Variants in ARID1B observed in about 807,000 individuals in gnomAD.
ARID1B encodes AT-rich interaction domain 1B.
ARID1B carries 30 observed loss-of-function variants against 212.3 expected under a neutral mutation model. That is an observed-to-expected ratio of 0.14 (90% CI 0.11 to 0.19). The LOEUF is 0.19. Among genes scored for constraint, ARID1B ranks in the 10% least tolerant of loss-of-function variants. The pLI is 1.00. For missense variants in ARID1B, 2,891 were observed against 3,204.0 expected (o/e 0.90, Z 2.36); for synonymous variants, 1,402 against 1,301.7 (o/e 1.08, Z -1.66).
At position 157,120,032 on chromosome 6, in the gene ARID1B, C is replaced by T. The variant is rs183391214; in HGVS notation, c.2581+9471C>T. On this transcript the variant is annotated intron_variant, in intron 6 of 19. Transcript: ENST00000636930. ...TCTAACAGTAAAAACTGCAAAGCACCGTGAACATAGTAAATGTAAGATCAG... is the reference window on the plus strand; with the variant it reads ...TCTAACAGTAAAAACTGCAAAGCACTGTGAACATAGTAAATGTAAGATCAG... Among the ~76,000 whole-genome samples the T allele has an allele frequency of 7.7e-3, 1,168 of 152,256 alleles. 10 individuals carry two copies. Among genetic ancestry groups the T allele is most frequent in the Non-Finnish European group, 0.014 (924 of 68,020 alleles).
chr6:156,792,514 A>G (rs969124832), intron 1 of ARID1B, among the ~76,000 whole-genome samples: 3 of 152,238 alleles, frequency 2.0e-5, no homozygotes, highest in African/African-American at 2.4e-5. Context: ...AAGAACATTT[A>G]TCTTTGCCTT....
At chr6:156,837,099 A>G (rs563222887) in intron 2 of ARID1B, among the ~76,000 whole-genome samples, 1 of 152,350 alleles carries the variant, frequency 6.6e-6, no homozygotes, top group East Asian at 1.9e-4. Context: ...TTCTTCTTCA[A>G]AGATTAGCAA....
At chr6:156,890,468 T>A (rs1036863103) in intron 2 of ARID1B, among the ~76,000 whole-genome samples, 5 of 152,384 alleles carry the variant, frequency 3.3e-5, no homozygotes, top group South Asian at 2.1e-4. Context: ...TGATTTTTTT[T>A]AAATTTCTAA....
chr6:157,033,118 C>T (rs143597935), intron 4 of ARID1B, among the ~76,000 whole-genome samples: 8 of 152,140 alleles, frequency 5.3e-5, no homozygotes, highest in East Asian at 1.9e-4. Flanking sequence ...TTAATACTTG[C>T]GTAATCATAT....
chr6:157,123,494 T>C (rs1416197403), intron 6 of ARID1B, among the ~76,000 whole-genome samples: 1 of 152,176 alleles, frequency 6.6e-6, no homozygotes, highest in Non-Finnish European at 1.5e-5. Flanking sequence ...CTAGCTGGCC[T>C]TGTAGAGGAG....
intron 4 of ARID1B, among the ~76,000 whole-genome samples, chr6:157,021,820 CAT>C (rs1426969675): frequency 2.0e-5 from 3 of 152,114 alleles, no homozygotes; most frequent in African/African-American, 4.8e-5. Context: ...TTCGCGTACA[CAT>C]GAGCCGGCGC....
Position 157,014,555 on chromosome 6 carries a change from ATTTG to A in ARID1B, c.2248-70105_2248-70102del, listed in dbSNP as rs1288384117. ...TCTGTACTTTAATAGGTTAAAACTTATTTGTAATTATGTTGCTGTGGAATATAAG... is the reference window on the plus strand; with the variant it reads ...TCTGTACTTTAATAGGTTAAAACTTATAATTATGTTGCTGTGGAATATAAG... On this transcript the variant is annotated intron_variant, in intron 4 of 19. Transcript: ENST00000636930. Among the ~76,000 whole-genome samples, 4 of 152,288 alleles carry A rather than the reference ATTTG, an allele frequency of 2.6e-5. No homozygotes were observed. The East Asian group carries it at 7.7e-4, about 29-fold the overall frequency.
chr6:157,048,786 G>A (rs573244160), intron 4 of ARID1B, among the ~76,000 whole-genome samples: 2 of 152,278 alleles, frequency 1.3e-5, no homozygotes, highest in African/African-American at 4.8e-5. Flanking sequence ...AGAGAGTTTT[G>A]CCATGTGTGA....
At chr6:156,829,671 A>G (rs780322397) in intron 2 of ARID1B, 3 of 412,034 alleles carry the variant, frequency 7.3e-6, no homozygotes, top group Non-Finnish European at 1.3e-5. Flanking sequence ...TGATAGGTGC[A>G]CTGTGTCATA....
intron 4 of ARID1B, among the ~76,000 whole-genome samples, chr6:156,990,511 T>C (rs1267965530): frequency 6.6e-6 from 1 of 151,952 alleles, no homozygotes; most frequent in East Asian, 1.9e-4. Context: ...CGTGGTATCA[T>C]GCGCCTGTAA....
chr6:157,190,081 G>A lies in ARID1B; in HGVS notation c.4102G>A (p.Asp1368Asn). 6.2e-7 allele frequency: 1 copy of A among 1,614,198 alleles called. No homozygotes were observed. Among genetic ancestry groups the A allele is most frequent in the Non-Finnish European group, 8.5e-7 (1 of 1,180,040 alleles). ...SVHDPFSDVS[D>N]SSFPKRNSMT... Reference sequence around the variant, plus strand: ...GCACGACCCATTCTCAGATGTGAGTGATTCATCCTTCCCGAAACGGAACTC... The same window carrying A: ...GCACGACCCATTCTCAGATGTGAGTAATTCATCCTTCCCGAAACGGAACTC... Residue 1368 changes from aspartate to asparagine, a missense_variant, in exon 15 of 20, where the codon GAT becomes AAT. Transcript: ENST00000636930. The surrounding 1 kb of genome is among the most constrained non-coding windows in gnomAD (Gnocchi z 4.6).
In ARID1B at chr6:157,133,028, G is replaced by A. The variant is rs780321051; in HGVS notation, c.2582G>A (p.Gly861Asp). 1.3e-6 allele frequency: 2 copies of A among 1,597,864 alleles called. No individual in the cohort carries two copies. Among genetic ancestry groups the A allele is most frequent in the South Asian group, 1.1e-5 (1 of 88,004 alleles). ...ATGTTTCCATTTATTTCCCACTTAGGTTTTATGGCAGGCACACAAAGAAAC... is the reference window on the plus strand; with the variant it reads ...ATGTTTCCATTTATTTCCCACTTAGATTTTATGGCAGGCACACAAAGAAAC... ...LSQSPMPQER[G>D]FMAGTQRNPQ... Residue 861 changes from glycine to aspartate, a missense_variant and splice_region_variant, in exon 7 of 20, where the codon GGT becomes GAT. Physicochemically the swap from Gly to Asp is moderately conservative, Grantham distance 94 (BLOSUM62 -1). Coordinates refer to ENST00000636930, the MANE Select transcript of ARID1B (RefSeq NM_001374828.1).
chr6:157,128,136 T>A (rs1788269283), intron 6 of ARID1B, among the ~76,000 whole-genome samples: 1 of 152,196 alleles, frequency 6.6e-6, no homozygotes, highest in Non-Finnish European at 1.5e-5. Flanking sequence ...TTAGGATGAA[T>A]AGAAATACTT....
chr6:156,921,269 C>G (rs947380517), intron 3 of ARID1B, among the ~76,000 whole-genome samples: 3 of 151,748 alleles, frequency 2.0e-5, no homozygotes, highest in African/African-American at 7.3e-5. Flanking sequence ...CATAAAGTGA[C>G]TAAAGAAATA....
At chr6:156,801,413 C>G (rs954481793) in intron 1 of ARID1B, among the ~76,000 whole-genome samples, 1 of 151,826 alleles carries the variant, frequency 6.6e-6, no homozygotes, top group South Asian at 2.1e-4. Flanking sequence ...CTTGGCTGGG[C>G]TGGTCTTGAA....
chr6:157,170,971 C>T (rs1470571194), intron 9 of ARID1B, among the ~76,000 whole-genome samples: 1 of 152,224 alleles, frequency 6.6e-6, no homozygotes, highest in Non-Finnish European at 1.5e-5. Flanking sequence ...ATTTTGCAGT[C>T]TGGTATATTA....
Position 156,826,046 on chromosome 6 carries a change from G to A in ARID1B, c.1792-3181G>A, listed in dbSNP as rs1289748010. ...TATGTAAAATCAGTATATTGTTTGG[G>A]CAAACAAATGTACTGTCGTTTAATT... On this transcript the variant is annotated intron_variant, in intron 1 of 19. Coordinates refer to ENST00000636930, the MANE Select transcript of ARID1B (RefSeq NM_001374828.1). Among the ~76,000 whole-genome samples, 22 of 152,152 alleles carry A rather than the reference G, an allele frequency of 1.4e-4. 1 individual carries two copies. The highest frequency in any genetic ancestry group is 1.4e-3 in the Admixed American group (22 of 15,280).
intron 12 of ARID1B, among the ~76,000 whole-genome samples, chr6:157,183,139 G>C (rs1211255108): frequency 6.6e-6 from 1 of 152,130 alleles, no homozygotes; most frequent in African/African-American, 2.4e-5. Context: ...ATGTGGTTGG[G>C]AGCAGGTGCT....
intron 11 of ARID1B, among the ~76,000 whole-genome samples, chr6:157,177,353 A>G (rs539828603): frequency 1.3e-5 from 2 of 152,338 alleles, no homozygotes; most frequent in Non-Finnish European, 2.9e-5. Flanking sequence ...TATCTCTGCT[A>G]TCAAATCACT....
Sources: gnomAD v4.1 joint callset for allele counts (sites outside exome capture counted in the v4.1 genomes callset) on GRCh38, gnomAD v4.1.1 for gene constraint, Gnocchi (gnomAD v3.1) non-coding constraint, MANE v1.5 for transcripts, NCBI Gene and HGNC (gene_info 2026-07-23, HGNC 2026-07-21) for gene names.